Variants in NTM observed in about 807,000 individuals in gnomAD.
The protein encoded by NTM is neurotrimin.
NTM carries 13 observed loss-of-function variants against 42.1 expected under a neutral mutation model. That is an observed-to-expected ratio of 0.31 (90% CI 0.20 to 0.49). The LOEUF is 0.49. Ranked by LOEUF, NTM falls within the 20% of genes least tolerant of loss-of-function variation. NTM has a pLI of 0.99. For missense variants in NTM, 373 were observed against 452.8 expected, an observed-to-expected ratio of 0.82 and a Z score of 1.60; for synonymous variants, 187 against 179.2, an observed-to-expected ratio of 1.04 and a Z score of -0.35.
chr11:131,566,407 ATGTGTGTGTG>A (rs372058772), intron 1 of NTM, among the ~76,000 whole-genome samples: 1 of 147,064 alleles, frequency 6.8e-6, no homozygotes, highest in South Asian at 2.2e-4. Context: ...CCACTGGTGC[ATGTGTGTGTG>A]TGTGTCTCGA....
At chr11:131,775,486 A>G (rs558890177) in intron 1 of NTM, among the ~76,000 whole-genome samples, 27 of 152,184 alleles carry the variant, frequency 1.8e-4, no homozygotes, top group Non-Finnish European at 3.1e-4. Context: ...ATGACTAAAA[A>G]TTTGGTCATT....
At chr11:132,266,270 A>G (rs948729620) in intron 4 of NTM, among the ~76,000 whole-genome samples, 3 of 152,162 alleles carry the variant, frequency 2.0e-5, no homozygotes, top group Non-Finnish European at 4.4e-5. Flanking sequence ...TGTGTCGCCC[A>G]GTCTCCCAGG....
intron 1 of NTM, among the ~76,000 whole-genome samples, chr11:131,815,359 C>T (rs897265414): frequency 6.6e-6 from 1 of 152,148 alleles, no homozygotes; most frequent in Non-Finnish European, 1.5e-5. Flanking sequence ...TCCCCACCCT[C>T]CATCCCAGCC....
chr11:131,713,643 T>C (rs1178625182), intron 1 of NTM, among the ~76,000 whole-genome samples: 1 of 152,208 alleles, frequency 6.6e-6, no homozygotes, highest in African/African-American at 2.4e-5. Context: ...TTCCTCTGTA[T>C]TTCTAAGTCT....
At chr11:132,141,265 C>A (rs372975135) in intron 2 of NTM, among the ~76,000 whole-genome samples, 1 of 151,780 alleles carries the variant, frequency 6.6e-6, no homozygotes, top group Admixed American at 6.6e-5. Flanking sequence ...CTCTCTCCCC[C>A]CTACCCCTCT....
intron 3 of NTM, among the ~76,000 whole-genome samples, chr11:132,176,977 C>A (rs916516325): frequency 2.0e-4 from 30 of 152,010 alleles, no homozygotes; most frequent in Non-Finnish European, 3.8e-4. Context: ...GATCCACCTG[C>A]CTTGGCCTCC....
chr11:132,216,193 T>C (rs1172656933), intron 4 of NTM, among the ~76,000 whole-genome samples: 1 of 152,260 alleles, frequency 6.6e-6, no homozygotes, highest in Non-Finnish European at 1.5e-5. Context: ...AGAAGCATGA[T>C]CTCTTTCAAT....
At chr11:131,468,232 G>A (rs1952081659) in intron 1 of NTM, among the ~76,000 whole-genome samples, 1 of 152,212 alleles carries the variant, frequency 6.6e-6, no homozygotes, top group African/African-American at 2.4e-5. Flanking sequence ...GCCACCTAAT[G>A]AGAGGCAACA....
intron 2 of NTM, among the ~76,000 whole-genome samples, chr11:131,918,452 TC>T (rs1451123799): frequency 1.3e-5 from 2 of 152,184 alleles, no homozygotes; most frequent in Non-Finnish European, 2.9e-5. Context: ...CAGAAGAACC[TC>T]ATTTAATCCT....
At chr11:131,579,110 A>C (rs1592108291) in intron 1 of NTM, among the ~76,000 whole-genome samples, 1 of 152,158 alleles carries the variant, frequency 6.6e-6, no homozygotes, top group South Asian at 2.1e-4. Flanking sequence ...CTTGTGTTTG[A>C]GATCAGGATT....
intron 1 of NTM, among the ~76,000 whole-genome samples, chr11:131,574,567 T>A: frequency 6.8e-6 from 1 of 147,292 alleles, no homozygotes; most frequent in East Asian, 2.0e-4. Flanking sequence ...CTTGAGTGTG[T>A]GTGTGTGTGT....
At chr11:131,871,385 T>C (rs1447321641) in intron 1 of NTM, among the ~76,000 whole-genome samples, 1 of 152,166 alleles carries the variant, frequency 6.6e-6, no homozygotes, top group Non-Finnish European at 1.5e-5. Flanking sequence ...TTTTTCCAAG[T>C]AGGTGGAATA....
At chr11:131,825,982 T>C (rs980053709) in intron 1 of NTM, among the ~76,000 whole-genome samples, 2 of 152,162 alleles carry the variant, frequency 1.3e-5, no homozygotes, top group African/African-American at 4.8e-5. Flanking sequence ...GTTTTATATG[T>C]TAATGCATAA....
intron 1 of NTM, among the ~76,000 whole-genome samples, chr11:131,788,156 C>A (rs376167044): frequency 6.6e-6 from 1 of 151,930 alleles, no homozygotes; most frequent in Admixed American, 6.6e-5. Flanking sequence ...ATGTTAAGTC[C>A]GTCATTTTAG....
In NTM at chr11:131,391,644, G is replaced by GAAA. The variant is rs5795723; in HGVS notation, c.82+20773_82+20775dup. 3.2e-4 allele frequency among the ~76,000 whole-genome samples: 26 copies of GAAA among 81,552 alleles called. 1 individual carries two copies. The highest frequency in any genetic ancestry group is 6.0e-4 in the African/African-American group (13 of 21,784). 53.5% of individuals were successfully genotyped at this position (81,552 alleles called of 152,430 possible). On this transcript the variant is annotated intron_variant, in intron 1 of 8. Transcript: ENST00000683400. Reference sequence around the variant, plus strand: ...AATCAGTCAAATGACTTTTATCTGGGAAAAAAAAAAAAAAAAAAAGAAAAG... The same window carrying GAAA: ...AATCAGTCAAATGACTTTTATCTGGGAAAAAAAAAAAAAAAAAAAAAAGAAAAG...
intron 2 of NTM, among the ~76,000 whole-genome samples, chr11:132,081,283 C>T (rs917473191): frequency 2.6e-5 from 4 of 152,098 alleles, no homozygotes; most frequent in African/African-American, 9.7e-5. Flanking sequence ...ATACATATTA[C>T]ACTACAGAAA....
Position 131,911,013 on chromosome 11 carries a change from G to A in NTM, c.83-551G>A, listed in dbSNP as rs1055921598. The stretch of plus-strand genomic sequence containing the variant: ...CGAGCCCGGCTCCGAAACTTACAAA[G>A]TGTTGGATGTCCCCCGTTCGAACTG... On this transcript the variant is annotated intron_variant, in intron 1 of 8. Coordinates refer to ENST00000683400, the MANE Select transcript of NTM (RefSeq NM_001352005.2). 2.0e-4 allele frequency: 202 copies of A among 1,018,564 alleles called. 1 individual carries two copies. In the Middle Eastern group the frequency reaches 3.0e-3, roughly 15 times the overall value. The allele number at this position is 1,018,564 out of a possible 1,614,324, so 63.1% of individuals were successfully genotyped here.
chr11:131,672,016 C>T (rs1451568023), intron 1 of NTM, among the ~76,000 whole-genome samples: 1 of 152,208 alleles, frequency 6.6e-6, no homozygotes, highest in Non-Finnish European at 1.5e-5. Context: ...GCCAGGGGCC[C>T]GCAGCGTGCC....
At chr11:132,334,885 C>A in intron 8 of NTM, 161 bp from the exon 9 acceptor site, 1 of 719,336 alleles carries the variant, frequency 1.4e-6, no homozygotes. Flanking sequence ...GGATGTGGGC[C>A]ATAGAACGTT....
Sources: allele counts gnomAD v4.1 joint callset (sites outside exome capture counted in the v4.1 genomes callset), GRCh38; gene constraint gnomAD v4.1.1; transcripts MANE v1.5; gene names NCBI Gene and HGNC (gene_info 2026-07-23, HGNC 2026-07-21).